EPHA6: variants seen among roughly 807,000 people sequenced by gnomAD.
EPHA6 encodes the protein EPH receptor A6.
A neutral mutation model predicts 112.0 loss-of-function variants in EPHA6; 50 were observed. The ratio of observed to expected loss-of-function variants is 0.45; its 90% CI spans 0.36 to 0.56. The LOEUF (loss-of-function observed/expected upper bound fraction) is 0.56. EPHA6 is among the 20% of genes least tolerant of loss of function. The probability of loss-of-function intolerance (pLI) is 0.00; values close to 1 mark genes in which losing one functional copy is unlikely to be tolerated. For synonymous variants in EPHA6, 529 were observed against 490.7 expected (o/e 1.08, Z -1.03); for missense variants, 1,280 against 1,417.4 (o/e 0.90, Z 1.56).
intron 3 of EPHA6, among the ~76,000 whole-genome samples, chr3:97,105,211 G>A (rs568143702): frequency 1.9e-4 from 29 of 151,856 alleles, no homozygotes; most frequent in Middle Eastern, 6.8e-3. Flanking sequence ...AGTTCCTTTA[G>A]TGGTTATGTT....
chr3:96,967,863 G>A (rs1210960922), intron 2 of EPHA6, among the ~76,000 whole-genome samples: 2 of 151,922 alleles, frequency 1.3e-5, no homozygotes, highest in African/African-American at 4.8e-5. Context: ...CAGCTAACAT[G>A]TAGACGGCAG....
chr3:97,534,313 C>T (rs1464067423), intron 11 of EPHA6, among the ~76,000 whole-genome samples: 1 of 152,094 alleles, frequency 6.6e-6, no homozygotes, highest in East Asian at 1.9e-4. Context: ...TCACAGCAAC[C>T]CTAATTGATA....
At chr3:97,308,599 A>G (rs1236685267) in intron 5 of EPHA6, among the ~76,000 whole-genome samples, 2 of 151,746 alleles carry the variant, frequency 1.3e-5, no homozygotes, top group Admixed American at 6.6e-5. Flanking sequence ...GAAGTTTAAC[A>G]TCTGTGATAT....
At chr3:97,072,515 A>T (rs755915292) in intron 3 of EPHA6, among the ~76,000 whole-genome samples, 11 of 152,240 alleles carry the variant, frequency 7.2e-5, no homozygotes, top group South Asian at 2.1e-4. Flanking sequence ...ACATCTTGAT[A>T]TTGGACTTCT....
chr3:96,984,154 C>T (rs1176786150), intron 2 of EPHA6, among the ~76,000 whole-genome samples: 1 of 152,120 alleles, frequency 6.6e-6, no homozygotes. Flanking sequence ...TTCAGCTTTT[C>T]TCCTCTGTTT....
chr3:96,990,706 A>C (rs1176118286), intron 3 of EPHA6, among the ~76,000 whole-genome samples: 2 of 152,106 alleles, frequency 1.3e-5, no homozygotes, highest in Non-Finnish European at 2.9e-5. Flanking sequence ...ACCAGTGTTC[A>C]TTTTAGAGTA....
In EPHA6 at chr3:96,939,926, T is replaced by G. The variant is rs558631412; in HGVS notation, c.451-47404T>G. Among the ~76,000 whole-genome samples the G allele has an allele frequency of 8.5e-5, 13 of 152,344 alleles. No homozygotes were observed. The South Asian group carries it at 2.5e-3, about 29-fold the overall frequency. ...AGTTGAGCGGTTTTGAGTGAGTTTC[T>G]TAATCCTGAGTTCTAGTTTGATTGC... On this transcript the variant is annotated intron_variant, in intron 2 of 17. Coordinates refer to ENST00000389672, the MANE Select transcript of EPHA6 (RefSeq NM_001080448.3).
At chr3:97,166,154 C>T (rs897886373) in intron 3 of EPHA6, among the ~76,000 whole-genome samples, 2 of 151,934 alleles carry the variant, frequency 1.3e-5, no homozygotes, top group Non-Finnish European at 2.9e-5. Flanking sequence ...AGCAAACATT[C>T]GGTAATCTTG....
At chr3:97,307,727 C>G (rs181644662) in intron 5 of EPHA6, among the ~76,000 whole-genome samples, 3 of 148,970 alleles carry the variant, frequency 2.0e-5, no homozygotes, top group Admixed American at 6.7e-5. Flanking sequence ...AAAATATAGT[C>G]TGTGTGTTTC....
chr3:96,980,018 G>T (rs562915374), intron 2 of EPHA6, among the ~76,000 whole-genome samples: 1 of 152,228 alleles, frequency 6.6e-6, no homozygotes, highest in African/African-American at 2.4e-5. Context: ...TCACTCTGAT[G>T]GTGGTTTCTT....
intron 11 of EPHA6, among the ~76,000 whole-genome samples, chr3:97,544,627 A>C (rs28857300): frequency 0.28 from 42,538 of 151,818 alleles, 9,293 homozygotes; most frequent in African/African-American, 0.6. Context: ...GGGAGGATTC[A>C]CTCTTTTTCT....
intron 11 of EPHA6, among the ~76,000 whole-genome samples, chr3:97,551,985 T>A (rs992553554): frequency 6.6e-6 from 1 of 152,180 alleles, no homozygotes; most frequent in African/African-American, 2.4e-5. Flanking sequence ...AAAGAGGATA[T>A]ATAATTAATA....
chr3:97,295,179 G>A (rs1458958077), intron 5 of EPHA6, among the ~76,000 whole-genome samples: 1 of 152,010 alleles, frequency 6.6e-6, no homozygotes, highest in African/African-American at 2.4e-5. Context: ...TATGACTTTG[G>A]TCTCCTCCTT....
At chr3:97,411,033 C>CA (rs2087677332) in intron 6 of EPHA6, among the ~76,000 whole-genome samples, 1 of 151,040 alleles carries the variant, frequency 6.6e-6, no homozygotes, top group African/African-American at 2.4e-5. Context: ...TCAGTGTTTA[C>CA]AGTGGAATCA....
chr3:97,460,776 T>C (rs115688433), intron 7 of EPHA6, among the ~76,000 whole-genome samples: 3,400 of 152,190 alleles, frequency 0.022, 121 homozygotes, highest in African/African-American at 0.075. Context: ...CCAGCACTCC[T>C]TGGGGTCCGC....
intron 2 of EPHA6, among the ~76,000 whole-genome samples, chr3:96,942,395 G>T (rs546420082): frequency 8.5e-5 from 13 of 152,154 alleles, no homozygotes; most frequent in Non-Finnish European, 1.9e-4. Flanking sequence ...TGACTCCGTG[G>T]GCCTAGGACC....
At chr3:97,209,279 T>C (rs2077799725) in intron 3 of EPHA6, among the ~76,000 whole-genome samples, 1 of 152,048 alleles carries the variant, frequency 6.6e-6, no homozygotes, top group Non-Finnish European at 1.5e-5. Flanking sequence ...TGGTAATTAT[T>C]ACCAGGAATG....
At chr3:97,638,117 T>G (rs758932010) in intron 14 of EPHA6, 35 bp downstream of exon 14, 4 of 1,483,600 alleles carry the variant, frequency 2.7e-6, no homozygotes, top group Non-Finnish European at 3.7e-6. Context: ...TATAGTCTGT[T>G]TACTTTTATT....
chr3:97,065,020 G>A (rs936137729), intron 3 of EPHA6, among the ~76,000 whole-genome samples: 2 of 151,998 alleles, frequency 1.3e-5, no homozygotes, highest in African/African-American at 4.8e-5. Flanking sequence ...GTATATTTGG[G>A]TTTTGAAAAA....
Sources: gnomAD v4.1 joint callset for allele counts (sites outside exome capture counted in the v4.1 genomes callset) on GRCh38, gnomAD v4.1.1 for gene constraint, MANE v1.5 for transcripts, NCBI Gene and HGNC (gene_info 2026-07-23, HGNC 2026-07-21) for gene names.